PTPN9: variants seen among roughly 807,000 people sequenced by gnomAD.
PTPN9 encodes tyrosine-protein phosphatase non-receptor type 9.
PTPN9 carries 26 observed loss-of-function variants against 69.8 expected under a neutral mutation model. The observed-to-expected ratio is 0.37, with a 90% CI of 0.27 to 0.52. The LOEUF (loss-of-function observed/expected upper bound fraction) is 0.52, where lower values mean the gene tolerates loss of function less well. PTPN9 is among the 20% of genes least tolerant of loss of function. The pLI, the probability that PTPN9 is intolerant of heterozygous loss-of-function variation, is 0.91. For synonymous variants in PTPN9, 274 were observed against 272.5 expected (o/e 1.01, Z -0.05); for missense variants, 549 against 740.3 (o/e 0.74, Z 3.00).
chr15:75,485,393 G>A (rs1220223866), intron 8 of PTPN9, among the ~76,000 whole-genome samples: 2 of 115,052 alleles, frequency 1.7e-5, no homozygotes, highest in Admixed American at 1.3e-4. Context: ...ACGGAGTCTC[G>A]CTCTGTTGCC....
At chr15:75,471,685 G>GC (rs1399646174) in intron 10 of PTPN9, among the ~76,000 whole-genome samples, 4 of 151,450 alleles carry the variant, frequency 2.6e-5, no homozygotes, top group African/African-American at 9.7e-5. Flanking sequence ...GGAGGCCAAG[G>GC]TGGCGGATCA....
chr15:75,506,509 G>C (rs1232346415), intron 6 of PTPN9, among the ~76,000 whole-genome samples: 8 of 152,058 alleles, frequency 5.3e-5, no homozygotes, highest in Admixed American at 5.2e-4. Flanking sequence ...GGAAAAATGT[G>C]AGATAACACT....
intron 5 of PTPN9, among the ~76,000 whole-genome samples, chr15:75,512,539 CTT>C (rs2074850021): frequency 6.6e-6 from 1 of 152,124 alleles, no homozygotes; most frequent in South Asian, 2.1e-4. Context: ...AGTAAATACT[CTT>C]TTTATATTTT....
chr15:75,536,446 C>A (rs977689350), intron 1 of PTPN9, among the ~76,000 whole-genome samples: 2 of 152,128 alleles, frequency 1.3e-5, no homozygotes, highest in Non-Finnish European at 2.9e-5. Context: ...GAACAGAATG[C>A]TATGGGATTC....
At chr15:75,497,946 T>C (rs1050315013) in intron 7 of PTPN9, among the ~76,000 whole-genome samples, 16 of 152,050 alleles carry the variant, frequency 1.1e-4, no homozygotes, top group African/African-American at 2.7e-4. Context: ...TCCCAGCACT[T>C]TGGGAGGCTG....
intron 6 of PTPN9, among the ~76,000 whole-genome samples, chr15:75,506,439 A>G (rs970337905): frequency 5.9e-5 from 9 of 152,198 alleles, no homozygotes; most frequent in Non-Finnish European, 8.8e-5. Context: ...TCAGCTTGGT[A>G]TAACTGTTCA....
At chr15:75,477,248 A>G (rs1367619727) in intron 9 of PTPN9, among the ~76,000 whole-genome samples, 1 of 152,256 alleles carries the variant, frequency 6.6e-6, no homozygotes, top group African/African-American at 2.4e-5. Context: ...TAATAATTAG[A>G]TAGCATTTAT....
chr15:75,486,848 G>A (rs1006570997), intron 8 of PTPN9, among the ~76,000 whole-genome samples: 1 of 147,582 alleles, frequency 6.8e-6, no homozygotes, highest in Non-Finnish European at 1.5e-5. Context: ...GCACTGGTGC[G>A]ATCTCGGCTT....
chr15:75,523,089 T>C (rs772552008), intron 4 of PTPN9, 32 bp downstream of exon 4: 7 of 1,604,632 alleles, frequency 4.4e-6, no homozygotes, highest in Non-Finnish European at 5.9e-6. Context: ...TACCTGCATG[T>C]AGAATACCTA....
chr15:75,570,574 A>AGG (rs2075144333), intron 1 of PTPN9, among the ~76,000 whole-genome samples: 1 of 152,132 alleles, frequency 6.6e-6, no homozygotes, highest in Non-Finnish European at 1.5e-5. Context: ...GTTCGTGACC[A>AGG]GCCTGGGCAA....
chr15:75,477,396 A>C (rs1431120391), intron 9 of PTPN9, among the ~76,000 whole-genome samples: 2 of 152,062 alleles, frequency 1.3e-5, no homozygotes, highest in Non-Finnish European at 2.9e-5. Context: ...GGAGTTCGAG[A>C]CCAGCCTAGG....
Position 75,470,098 on chromosome 15 carries a change from C to T in PTPN9, c.1360-99G>A, listed in dbSNP as rs1398258811. The T allele has an allele frequency of 7.3e-6, 8 of 1,098,492 alleles. No homozygotes were observed. The East Asian group carries it at 1.0e-4, about 14-fold the overall frequency. 68.0% of individuals were successfully genotyped at this position (1,098,492 alleles called of 1,614,324 possible). A position where few individuals can be genotyped will look rare whatever the true frequency, so the allele number is the denominator to read the frequency against. ...TTCTCAACACCCTGGTTATCCCTACCACCAAGGCTCCTATCCACCACTGTC... is the reference window on the plus strand; with the variant it reads ...TTCTCAACACCCTGGTTATCCCTACTACCAAGGCTCCTATCCACCACTGTC... On this transcript the variant is annotated intron_variant, in intron 11 of 12. Transcript: ENST00000618819.
At chr15:75,517,943 T>A (rs1194032099) in intron 4 of PTPN9, among the ~76,000 whole-genome samples, 5 of 152,174 alleles carry the variant, frequency 3.3e-5, no homozygotes, top group African/African-American at 1.2e-4. Context: ...AGCCCATCTC[T>A]AAGAAAATAT....
intron 10 of PTPN9, among the ~76,000 whole-genome samples, chr15:75,472,267 G>A (rs913487680): frequency 2.0e-5 from 3 of 150,816 alleles, no homozygotes; most frequent in Non-Finnish European, 1.5e-5. Context: ...AGCCCATCCT[G>A]GCTAACACGG....
In PTPN9 at chr15:75,578,737, C is replaced by T; in HGVS notation, c.40G>A (p.Glu14Lys). 1 of 1,333,118 alleles carries T rather than the reference C, an allele frequency of 7.5e-7. No homozygotes were observed. Among genetic ancestry groups the T allele is most frequent in the Non-Finnish European group, 9.6e-7 (1 of 1,040,130 alleles). 82.6% of individuals were successfully genotyped at this position (1,333,118 alleles called of 1,614,324 possible). A position where few individuals can be genotyped will look rare whatever the true frequency, so the allele number is the denominator to read the frequency against. Reference sequence around the variant, plus strand: ...ACCTGCTCCTCCTCCGGGGTCAGCTCCGGCGCCATGTCGGGCCGGGGCGCG... The same window carrying T: ...ACCTGCTCCTCCTCCGGGGTCAGCTTCGGCGCCATGTCGGGCCGGGGCGCG... ...ATAPRPDMAP[E>K]LTPEEEQATK... The change falls in exon 1 of 13, where the codon GAG becomes AAG. Residue 14 changes from glutamate to lysine, a missense_variant. Physicochemically the swap from Glu to Lys is moderately conservative, Grantham distance 56. Coordinates refer to ENST00000618819, the MANE Select transcript of PTPN9 (RefSeq NM_002833.4).
intron 4 of PTPN9, among the ~76,000 whole-genome samples, chr15:75,520,476 AGATAGATG>A (rs147396934): frequency 0.22 from 32,617 of 148,560 alleles, 3,705 homozygotes; most frequent in Middle Eastern, 0.41. Flanking sequence ...ATAGATAGAT[AGATAGATG>A]TGTGTGTGTT....
intron 7 of PTPN9, 110 bp from the exon 8 acceptor site, chr15:75,490,411 A>T (rs2074702828): frequency 1.3e-6 from 1 of 746,846 alleles, no homozygotes; most frequent in Admixed American, 2.4e-5. Flanking sequence ...GGGTGGAGAC[A>T]TGGAAGCTTT....
At chr15:75,473,111 T>C (rs1460254195) in intron 10 of PTPN9, among the ~76,000 whole-genome samples, 4 of 152,148 alleles carry the variant, frequency 2.6e-5, no homozygotes, top group Non-Finnish European at 4.4e-5. Context: ...GACCTCAAAA[T>C]AGGGTATAAC....
intron 6 of PTPN9, among the ~76,000 whole-genome samples, chr15:75,506,285 AG>A (rs1475672140): frequency 1.3e-5 from 2 of 152,162 alleles, no homozygotes; most frequent in African/African-American, 4.8e-5. Context: ...AGTGAACAAA[AG>A]CTTTATATTA....
Sources: allele counts gnomAD v4.1 joint callset (sites outside exome capture counted in the v4.1 genomes callset), GRCh38; gene constraint gnomAD v4.1.1; transcripts MANE v1.5; gene names NCBI Gene and HGNC (gene_info 2026-07-23, HGNC 2026-07-21).